Variants in LRP1B observed in about 807,000 individuals in gnomAD.
LRP1B encodes the protein low-density lipoprotein receptor-related protein 1B.
Under a neutral mutation model 556.6 loss-of-function variants are expected in LRP1B, and 217 were observed. The observed-to-expected ratio is 0.39, with a 90% confidence interval of 0.35 to 0.44. The LOEUF (loss-of-function observed/expected upper bound fraction) is 0.44. LRP1B is among the 20% of genes least tolerant of loss of function. The pLI, the probability that LRP1B is intolerant of heterozygous loss-of-function variation, is 1.00. For missense variants in LRP1B, 5,053 were observed against 5,620.8 expected (o/e 0.90, Z 3.23); for synonymous variants, 2,047 against 1,865.8 (o/e 1.10, Z -2.50).
At chr2:141,346,620 T>C (rs920636856) in intron 3 of LRP1B, among the ~76,000 whole-genome samples, 1 of 152,124 alleles carries the variant, frequency 6.6e-6, no homozygotes, top group African/African-American at 2.4e-5. Flanking sequence ...TTTTTCCTTG[T>C]CACAGAATAT....
chr2:140,325,908 G>C (rs2105064567), intron 79 of LRP1B, 30 bp from the exon 80 acceptor site: 2 of 1,301,806 alleles, frequency 1.5e-6, no homozygotes, highest in Non-Finnish European at 2.2e-6. Flanking sequence ...AAGACAAATA[G>C]TGCAAGTAAA....
At chr2:141,868,861 T>C (rs148161297) in intron 1 of LRP1B, among the ~76,000 whole-genome samples, 1 of 152,248 alleles carries the variant, frequency 6.6e-6, no homozygotes, top group African/African-American at 2.4e-5. Context: ...TACTGCCTAA[T>C]AACTGAGGCT....
chr2:140,278,312 T>A (rs1469017759), intron 84 of LRP1B, among the ~76,000 whole-genome samples: 2 of 152,010 alleles, frequency 1.3e-5, no homozygotes, highest in Admixed American at 1.3e-4. Context: ...CTTGTAATAT[T>A]TAATTGAACT....
intron 3 of LRP1B, among the ~76,000 whole-genome samples, chr2:141,452,250 G>T (rs552786839): frequency 6.6e-6 from 1 of 152,220 alleles, no homozygotes; most frequent in East Asian, 1.9e-4. Context: ...AGTGTGTGAT[G>T]AAAAATGCCT....
intron 22 of LRP1B, among the ~76,000 whole-genome samples, chr2:140,903,417 GTA>G (rs1238243776): frequency 1.3e-5 from 2 of 152,040 alleles, no homozygotes; most frequent in African/African-American, 4.8e-5. Context: ...AAACTTGGGA[GTA>G]TAGTTTGCTT....
At chr2:140,504,396 G>A (rs573134115) in intron 53 of LRP1B, among the ~76,000 whole-genome samples, 4 of 152,160 alleles carry the variant, frequency 2.6e-5, no homozygotes, top group African/African-American at 7.2e-5. Flanking sequence ...TTTTCCTTCT[G>A]TATGAAATCC....
At chr2:141,711,258 C>T (rs1692344608) in intron 2 of LRP1B, among the ~76,000 whole-genome samples, 1 of 152,152 alleles carries the variant, frequency 6.6e-6, no homozygotes, top group Admixed American at 6.5e-5. Context: ...AGGTAGCATA[C>T]ATCTGACTCT....
chr2:140,386,016 T>C lies in LRP1B; in HGVS notation c.10415-7A>G. The C allele has an allele frequency of 6.4e-7, 1 of 1,552,498 alleles. No individual in the cohort carries two copies. Among genetic ancestry groups the C allele is most frequent in the East Asian group, 2.2e-5 (1 of 44,526 alleles). On this transcript the variant is annotated splice_polypyrimidine_tract_variant and splice_region_variant and intron_variant, in intron 66 of 90. Transcript: ENST00000389484. ...GGTCCACAAGTCTTTTTATCTGTAATGGAAAGAACCAGAGTTTGCATTGTA... is the reference window on the plus strand; with the variant it reads ...GGTCCACAAGTCTTTTTATCTGTAACGGAAAGAACCAGAGTTTGCATTGTA...
chr2:141,946,592 G>A (rs1700961292), intron 1 of LRP1B, among the ~76,000 whole-genome samples: 1 of 152,192 alleles, frequency 6.6e-6, no homozygotes, highest in Non-Finnish European at 1.5e-5. Context: ...TAGACAAGGT[G>A]TGTGACAGGT....
chr2:140,679,582 G>A (rs1244188315), intron 41 of LRP1B, among the ~76,000 whole-genome samples: 4 of 152,164 alleles, frequency 2.6e-5, no homozygotes, highest in African/African-American at 7.2e-5. Flanking sequence ...AATCAAGGAA[G>A]AACAAATTAA....
chr2:141,205,266 CA>C (rs1432481946), intron 6 of LRP1B, among the ~76,000 whole-genome samples: 3 of 152,020 alleles, frequency 2.0e-5, no homozygotes, highest in Admixed American at 1.3e-4. Flanking sequence ...AATATGAGTT[CA>C]AAAAAGAATT....
intron 2 of LRP1B, among the ~76,000 whole-genome samples, chr2:141,531,543 T>C (rs909131807): frequency 7.2e-5 from 11 of 152,268 alleles, no homozygotes; most frequent in Non-Finnish European, 1.0e-4. Flanking sequence ...TACAGGAAGG[T>C]AATTGATTTG....
At chr2:140,995,740 G>A (rs1475953327) in intron 15 of LRP1B, among the ~76,000 whole-genome samples, 6 of 151,966 alleles carry the variant, frequency 3.9e-5, no homozygotes, top group Admixed American at 3.9e-4. Flanking sequence ...GAAGGATTAT[G>A]TTAATCAAAA....
intron 1 of LRP1B, among the ~76,000 whole-genome samples, chr2:141,817,891 T>C (rs1696613924): frequency 6.6e-6 from 1 of 151,724 alleles, no homozygotes; most frequent in African/African-American, 2.4e-5. Context: ...ACAAATTAAA[T>C]GTAAAGGAGG....
intron 75 of LRP1B, among the ~76,000 whole-genome samples, chr2:140,355,390 C>T (rs1036347691): frequency 2.0e-5 from 3 of 151,922 alleles, no homozygotes; most frequent in African/African-American, 7.2e-5. Context: ...TGTCATCTTT[C>T]AGTCTCATAG....
In LRP1B at chr2:141,004,996, A is replaced by G. The variant is rs149466660; in HGVS notation, c.2503+339T>C. Reference sequence around the variant, plus strand: ...AGCCATTTAAAGTCATTGTAGGCCTATGTTGTGCGTCAACTTACCATCTAT... The same window carrying G: ...AGCCATTTAAAGTCATTGTAGGCCTGTGTTGTGCGTCAACTTACCATCTAT... On this transcript the variant is annotated intron_variant, in intron 15 of 90. Coordinates refer to ENST00000389484, the MANE Select transcript of LRP1B (RefSeq NM_018557.3). Among the ~76,000 whole-genome samples, 19 of 152,116 alleles carry G rather than the reference A, an allele frequency of 1.2e-4. No homozygotes were observed. The East Asian group carries it at 3.5e-3, about 28-fold the overall frequency.
chr2:140,696,761 T>C (rs529611871), intron 41 of LRP1B, among the ~76,000 whole-genome samples: 1 of 152,186 alleles, frequency 6.6e-6, no homozygotes, highest in South Asian at 2.1e-4. Flanking sequence ...AATCTAACTA[T>C]TACCTGATGA....
chr2:141,442,043 T>C (rs1053061894), intron 3 of LRP1B, among the ~76,000 whole-genome samples: 1 of 152,182 alleles, frequency 6.6e-6, no homozygotes, highest in Admixed American at 6.5e-5. Flanking sequence ...ATTTTGAATC[T>C]TTGGAAAAAG....
At chr2:141,692,792 T>C (rs753975791) in intron 2 of LRP1B, among the ~76,000 whole-genome samples, 6 of 151,996 alleles carry the variant, frequency 3.9e-5, no homozygotes, top group Non-Finnish European at 8.8e-5. Flanking sequence ...ACCTGTACAT[T>C]ATGTTACTGT....
Sources: gnomAD v4.1 joint callset for allele counts (sites outside exome capture counted in the v4.1 genomes callset) on GRCh38, gnomAD v4.1.1 for gene constraint, MANE v1.5 for transcripts, NCBI Gene and HGNC (gene_info 2026-07-23, HGNC 2026-07-21) for gene names.